The following MAST4 variants were observed in gnomAD, a reference collection of about 807,000 sequenced individuals.
MAST4 encodes the protein microtubule-associated serine/threonine-protein kinase 4.
Under a neutral mutation model 162.7 loss-of-function variants are expected in MAST4, and 89 were observed. That is an observed-to-expected ratio of 0.55 (90% CI 0.46 to 0.65). The LOEUF (loss-of-function observed/expected upper bound fraction) is 0.65. Among genes scored for constraint, MAST4 ranks in the 30% least tolerant of loss-of-function variants. The pLI, the probability that MAST4 is intolerant of heterozygous loss-of-function variation, is 0.00. For missense variants in MAST4, 3,153 were observed against 3,374.0 expected (o/e 0.93, Z 1.62); for synonymous variants, 1,479 against 1,361.1 (o/e 1.09, Z -1.91).
intron 1 of MAST4, among the ~76,000 whole-genome samples, chr5:66,712,496 CTTATT>C (rs1355462712): frequency 6.6e-6 from 1 of 152,154 alleles, no homozygotes; most frequent in African/African-American, 2.4e-5. Flanking sequence ...ACTTATTTGT[CTTATT>C]TTATCAAATG....
chr5:66,646,136 C>T (rs746235830), intron 1 of MAST4, among the ~76,000 whole-genome samples: 1 of 152,112 alleles, frequency 6.6e-6, no homozygotes, highest in African/African-American at 2.4e-5. Context: ...ATCTTATAGT[C>T]ATCCACCCTA....
chr5:66,775,677 A>G (rs541406723), intron 2 of MAST4, among the ~76,000 whole-genome samples: 128 of 152,014 alleles, frequency 8.4e-4, no homozygotes, highest in African/African-American at 2.9e-3. Flanking sequence ...CAAAAGAACA[A>G]TGGTTCTTTT....
intron 5 of MAST4, among the ~76,000 whole-genome samples, chr5:67,060,412 T>G (rs1759414519): frequency 6.6e-6 from 1 of 151,790 alleles, no homozygotes; most frequent in South Asian, 2.1e-4. Flanking sequence ...GAGAAGACAG[T>G]CTGGGGTAGA....
At chr5:66,995,729 G>C (rs1394347924) in intron 4 of MAST4, among the ~76,000 whole-genome samples, 2 of 151,816 alleles carry the variant, frequency 1.3e-5, no homozygotes, top group South Asian at 4.2e-4. Flanking sequence ...AAACAACCTA[G>C]GCATAGCACA....
chr5:66,938,928 A>G (rs1332984758), intron 4 of MAST4, among the ~76,000 whole-genome samples: 1 of 152,176 alleles, frequency 6.6e-6, no homozygotes, highest in African/African-American at 2.4e-5. Context: ...GGGAACACTG[A>G]TTTAGAGCCT....
At chr5:66,965,226 T>TTTTTTTTTTTTTTTTTTC (rs1746572615) in intron 4 of MAST4, among the ~76,000 whole-genome samples, 2 of 109,472 alleles carry the variant, frequency 1.8e-5, no homozygotes, top group African/African-American at 3.5e-5. Context: ...TTTTTTTTGC[T>TTTTTTTTTTTTTTTTTTC]TTTTTTTTTT....
chr5:66,776,806 A>T (rs116135273), intron 2 of MAST4, among the ~76,000 whole-genome samples: 1 of 152,184 alleles, frequency 6.6e-6, no homozygotes, highest in African/African-American at 2.4e-5. Context: ...ACAGTGTAGT[A>T]GAACATACTG....
intron 3 of MAST4, among the ~76,000 whole-genome samples, chr5:66,789,237 T>C (rs1281906322): frequency 6.6e-6 from 1 of 152,114 alleles, no homozygotes; most frequent in African/African-American, 2.4e-5. Context: ...TTTTTTGAGG[T>C]ATTTGAGAGT....
At chr5:66,755,738 TTAAC>T (rs1753496202) in intron 1 of MAST4, among the ~76,000 whole-genome samples, 1 of 152,252 alleles carries the variant, frequency 6.6e-6, no homozygotes, top group Non-Finnish European at 1.5e-5. Context: ...ATCAAGCTAA[TTAAC>T]ATATGTATTA....
chr5:66,640,377 G>A (rs535286303), intron 1 of MAST4, among the ~76,000 whole-genome samples: 5 of 150,026 alleles, frequency 3.3e-5, no homozygotes, highest in South Asian at 2.1e-4. Flanking sequence ...GCACAATCTC[G>A]GCTCACTGCA....
chr5:66,640,670 G>T (rs1745436967), intron 1 of MAST4, among the ~76,000 whole-genome samples: 1 of 152,194 alleles, frequency 6.6e-6, no homozygotes, highest in Non-Finnish European at 1.5e-5. Flanking sequence ...CTTGGCTATT[G>T]TGAATAATAC....
intron 1 of MAST4, among the ~76,000 whole-genome samples, chr5:66,645,337 A>G (rs1259447543): frequency 6.6e-6 from 1 of 152,222 alleles, no homozygotes; most frequent in Non-Finnish European, 1.5e-5. Context: ...ACAGTTATCT[A>G]AAACGTGGCA....
chr5:66,962,250 G>A (rs1313537841), intron 4 of MAST4, among the ~76,000 whole-genome samples: 1 of 151,962 alleles, frequency 6.6e-6, no homozygotes, highest in Non-Finnish European at 1.5e-5. Flanking sequence ...TAGAGCCATC[G>A]TCCAGCGGAG....
chr5:66,913,144 A>G (rs555817741), intron 4 of MAST4, among the ~76,000 whole-genome samples: 1 of 152,322 alleles, frequency 6.6e-6, no homozygotes, highest in East Asian at 1.9e-4. Context: ...GGCATACAAT[A>G]AACTGTACAT....
chr5:67,110,243 G>A (rs1425644710), intron 11 of MAST4, 44 bp downstream of exon 11: 1 of 1,372,702 alleles, frequency 7.3e-7, no homozygotes, highest in African/African-American at 1.4e-5. Flanking sequence ...TTGTTAACTG[G>A]GAAAGCAGTT....
At chr5:67,093,687 T>C (rs766288058) in intron 6 of MAST4, 4 of 451,404 alleles carry the variant, frequency 8.9e-6, no homozygotes, top group Admixed American at 4.7e-5. Context: ...TCTCTTGGAA[T>C]TGCTCATTCA....
chr5:66,597,177 GC>G lies in MAST4; in HGVS notation c.363+165del, dbSNP rs531109914. On this transcript the variant is annotated intron_variant, in intron 1 of 28. Transcript: ENST00000403625. ...GAGCACGGGACAACGATAGTTAGGAGCCCCCCTGTGGGTTATTGACTTCCCT... is the reference window on the plus strand; with the variant it reads ...GAGCACGGGACAACGATAGTTAGGAGCCCCCTGTGGGTTATTGACTTCCCT... Among the ~76,000 whole-genome samples the G allele has an allele frequency of 3.0e-3, 452 of 152,334 alleles. 2 individuals are homozygous for G. Among genetic ancestry groups the G allele is most frequent in the Non-Finnish European group, 4.9e-3 (330 of 68,034 alleles).
chr5:66,742,226 G>C (rs749459896), intron 1 of MAST4, among the ~76,000 whole-genome samples: 16 of 152,130 alleles, frequency 1.1e-4, no homozygotes, highest in Non-Finnish European at 1.9e-4. Flanking sequence ...AGTTGCTCTC[G>C]CGGTTCATCT....
intron 1 of MAST4, among the ~76,000 whole-genome samples, chr5:66,702,608 A>T (rs886586985): frequency 6.6e-6 from 1 of 152,164 alleles, no homozygotes; most frequent in Admixed American, 6.5e-5. Context: ...CTGCAGCAGG[A>T]GGCTTTCAGG....
Sources: gnomAD v4.1 joint callset for allele counts (sites outside exome capture counted in the v4.1 genomes callset) on GRCh38, gnomAD v4.1.1 for gene constraint, MANE v1.5 for transcripts, NCBI Gene and HGNC (gene_info 2026-07-23, HGNC 2026-07-21) for gene names.